TRIP12: variants seen among roughly 807,000 people sequenced by gnomAD.
TRIP12 encodes the protein thyroid hormone receptor interactor 12.
Under a neutral mutation model 244.2 loss-of-function variants are expected in TRIP12, and 25 were observed. The observed-to-expected ratio is 0.10, with a 90% CI of 0.07 to 0.14. The LOEUF (loss-of-function observed/expected upper bound fraction) is 0.14, where lower values mean the gene tolerates loss of function less well. TRIP12 is among the 10% of genes least tolerant of loss of function. TRIP12 has a pLI of 1.00. For synonymous variants in TRIP12, 905 were observed against 873.1 expected, an observed-to-expected ratio of 1.04 and a Z score of -0.64; for missense variants, 1,677 against 2,486.4, an observed-to-expected ratio of 0.67 and a Z score of 6.92.
intron 4 of TRIP12, among the ~76,000 whole-genome samples, chr2:229,853,990 A>G (rs2154330885): frequency 6.6e-6 from 1 of 152,362 alleles, no homozygotes; most frequent in Non-Finnish European, 1.5e-5. Context: ...CCATTTATAT[A>G]GGTTACATGT....
intron 1 of TRIP12, among the ~76,000 whole-genome samples, chr2:229,908,640 G>A (rs890518422): frequency 2.2e-4 from 34 of 152,122 alleles, no homozygotes; most frequent in Admixed American, 1.3e-3. Flanking sequence ...GGCTGAGGCA[G>A]GAGAATGGCA....
intron 4 of TRIP12, among the ~76,000 whole-genome samples, chr2:229,858,154 A>C (rs1204066745): frequency 1.3e-5 from 2 of 152,200 alleles, no homozygotes; most frequent in Non-Finnish European, 2.9e-5. Flanking sequence ...ACTTGAGGTC[A>C]GAAGTTTGAG....
intron 1 of TRIP12, among the ~76,000 whole-genome samples, chr2:229,920,756 C>T (rs552899622): frequency 9.6e-4 from 146 of 152,184 alleles, no homozygotes; most frequent in Non-Finnish European, 2.5e-4. Flanking sequence ...CCGCATTTTT[C>T]CGTCTAGGAA....
Position 229,813,991 on chromosome 2 carries a change from C to A in TRIP12, c.1865G>T (p.Ser622Ile). 6.3e-7 allele frequency: 1 copy of A among 1,588,250 alleles called. No individual in the cohort carries two copies. Among genetic ancestry groups the A allele is most frequent in the Non-Finnish European group, 8.6e-7 (1 of 1,159,736 alleles). Residue 622 changes from serine (S) to isoleucine (I), a missense_variant, in exon 13 of 42, where the codon AGC (serine) becomes ATC (isoleucine). Coordinates refer to ENST00000675903, the MANE Select transcript of TRIP12 (RefSeq NM_001348323.3). ...ADCLLYLEFF[S>I]INAQRNALAI... ...TAATGCATTTCTTTGGGCATTTATGCTGAAGAATTCTAGGTACAGCAAGCA... is the reference window on the plus strand; with the variant it reads ...TAATGCATTTCTTTGGGCATTTATGATGAAGAATTCTAGGTACAGCAAGCA...
Position 229,911,976 on chromosome 2 carries a change from G to C in TRIP12, c.-50+9904C>G, listed in dbSNP as rs1334559628. Among the ~76,000 whole-genome samples, 169 of 151,630 alleles carry C rather than the reference G, an allele frequency of 1.1e-3. 2 individuals carry two copies. The highest frequency in any genetic ancestry group is 1.6e-4 in the Non-Finnish European group (11 of 67,896). ...GCTAAGCAAAAGTTTCCCTATATAA[G>C]ACTTACAAATTACTGAGGACAACTC... On this transcript the variant is annotated intron_variant, in intron 1 of 41. Coordinates refer to ENST00000675903, the MANE Select transcript of TRIP12 (RefSeq NM_001348323.3).
chr2:229,797,375 C>T (rs1345036373), intron 24 of TRIP12, among the ~76,000 whole-genome samples: 1 of 152,146 alleles, frequency 6.6e-6, no homozygotes, highest in Non-Finnish European at 1.5e-5. Flanking sequence ...ATCATCTATA[C>T]CTATAGTTGA....
chr2:229,799,647 C>T lies in TRIP12; in HGVS notation c.3207-264G>A, dbSNP rs571887419. ...AAAATTAGCCGGGCGTGGTGGCGGGCGCCTGTAGTCTCAGCTACTGAGGAG... is the reference window on the plus strand; with the variant it reads ...AAAATTAGCCGGGCGTGGTGGCGGGTGCCTGTAGTCTCAGCTACTGAGGAG... On this transcript the variant is annotated intron_variant, in intron 21 of 41. Transcript: ENST00000675903. Among the ~76,000 whole-genome samples, 27 of 151,972 alleles carry T rather than the reference C, an allele frequency of 1.8e-4. No homozygotes were observed. The South Asian group carries it at 4.4e-3, about 25-fold the overall frequency.
chr2:229,834,438 G>A (rs2054234541), intron 6 of TRIP12, among the ~76,000 whole-genome samples: 3 of 152,308 alleles, frequency 2.0e-5, no homozygotes, highest in African/African-American at 4.8e-5. Flanking sequence ...ATAAAGGTCT[G>A]TACAGTTCTG....
intron 3 of TRIP12, 100 bp downstream of exon 3, chr2:229,860,306 T>C: frequency 1.4e-6 from 2 of 1,404,144 alleles, no homozygotes; most frequent in Non-Finnish European, 1.9e-6. Context: ...TGAAAATATG[T>C]ATCAAAACGT....
intron 1 of TRIP12, among the ~76,000 whole-genome samples, chr2:229,919,453 T>C (rs1335623243): frequency 3.3e-5 from 5 of 152,018 alleles, no homozygotes; most frequent in Admixed American, 6.6e-5. Context: ...GAATCATACA[T>C]GGAATCATAC....
intron 1 of TRIP12, among the ~76,000 whole-genome samples, chr2:229,881,249 G>A (rs2064817519): frequency 6.6e-6 from 1 of 152,184 alleles, no homozygotes; most frequent in African/African-American, 2.4e-5. Flanking sequence ...TGATTGTGCA[G>A]ATAAAATATC....
chr2:229,888,521 T>G (rs186808003), intron 1 of TRIP12, among the ~76,000 whole-genome samples: 2 of 151,904 alleles, frequency 1.3e-5, no homozygotes, highest in African/African-American at 4.8e-5. Context: ...ATCAGGATAG[T>G]GGTGTTGGCA....
At chr2:229,851,504 A>C (rs1446047971) in intron 4 of TRIP12, among the ~76,000 whole-genome samples, 1 of 152,160 alleles carries the variant, frequency 6.6e-6, no homozygotes, top group Non-Finnish European at 1.5e-5. Context: ...GGGCCAGATA[A>C]GAGAATAAAA....
chr2:229,793,580 C>T (rs2042085759), intron 26 of TRIP12, among the ~76,000 whole-genome samples: 1 of 151,904 alleles, frequency 6.6e-6, no homozygotes, highest in South Asian at 2.1e-4. Context: ...TACAATATTA[C>T]ATTAAAAACT....
chr2:229,865,730 C>T (rs2061414855), intron 2 of TRIP12, among the ~76,000 whole-genome samples: 1 of 152,070 alleles, frequency 6.6e-6, no homozygotes, highest in South Asian at 2.1e-4. Flanking sequence ...GCTGGAAAAT[C>T]CATGTTTTAA....
At position 229,815,091 on chromosome 2, in the gene TRIP12, A is replaced by G; in HGVS notation, c.1731+8T>C. 6.2e-7 allele frequency: 1 copy of G among 1,602,684 alleles called. No homozygotes were observed. The highest frequency in any genetic ancestry group is 2.2e-5 in the East Asian group (1 of 44,662). On this transcript the variant is annotated splice_region_variant and intron_variant, in intron 11 of 41. Transcript: ENST00000675903. ...GCTTTTGAACAAACGGGGTAAAAGT[A>G]GGATCACCTTTTCTAAAAAGACAGG...
At chr2:229,913,730 G>A (rs926512703) in intron 1 of TRIP12, among the ~76,000 whole-genome samples, 4 of 152,114 alleles carry the variant, frequency 2.6e-5, no homozygotes, top group African/African-American at 7.2e-5. Flanking sequence ...ACACTACCAC[G>A]TACACCTACC....
chr2:229,876,909 T>A (rs1424887920), intron 2 of TRIP12, among the ~76,000 whole-genome samples: 1 of 152,084 alleles, frequency 6.6e-6, no homozygotes, highest in Non-Finnish European at 1.5e-5. Flanking sequence ...TTGCCCAGGC[T>A]GGTCTCGAAC....
At chr2:229,880,699 T>G (rs1361290560) in intron 1 of TRIP12, among the ~76,000 whole-genome samples, 1 of 152,158 alleles carries the variant, frequency 6.6e-6, no homozygotes, top group East Asian at 1.9e-4. Context: ...ATCCCAGTAT[T>G]TTGGGAGGCT....
Sources: allele counts gnomAD v4.1 joint callset (sites outside exome capture counted in the v4.1 genomes callset), GRCh38; gene constraint gnomAD v4.1.1; transcripts MANE v1.5; gene names NCBI Gene and HGNC (gene_info 2026-07-23, HGNC 2026-07-21).